The following CCDC85A variants were observed in gnomAD, a reference collection of about 807,000 sequenced individuals.
CCDC85A encodes coiled-coil domain containing 85A, also known as coiled-coil domain-containing protein 85A.
A neutral mutation model predicts 50.2 loss-of-function variants in CCDC85A; 38 were observed. The ratio of observed to expected loss-of-function variants is 0.76; its 90% CI spans 0.58 to 0.99. The LOEUF (loss-of-function observed/expected upper bound fraction) is 0.99, where lower values mean the gene tolerates loss of function less well. CCDC85A is among the 50% of genes least tolerant of loss of function. The pLI is 0.00. For missense variants in CCDC85A, 820 were observed against 742.0 expected, an observed-to-expected ratio of 1.11 and a Z score of -1.22; for synonymous variants, 366 against 301.4, an observed-to-expected ratio of 1.21 and a Z score of -2.22.
intron 2 of CCDC85A, among the ~76,000 whole-genome samples, chr2:56,322,088 A>G (rs1390417166): frequency 1.3e-5 from 2 of 152,232 alleles, no homozygotes; most frequent in Non-Finnish European, 2.9e-5. Context: ...CTGGCTAGCC[A>G]TACGTAGAAA....
chr2:56,351,678 T>C (rs553616062), intron 3 of CCDC85A, among the ~76,000 whole-genome samples: 17 of 147,660 alleles, frequency 1.2e-4, no homozygotes, highest in East Asian at 9.9e-4. Flanking sequence ...TCATGTCCTT[T>C]GCCCACTTTT....
intron 2 of CCDC85A, among the ~76,000 whole-genome samples, chr2:56,215,439 G>T (rs1403577249): frequency 6.6e-6 from 1 of 151,816 alleles, no homozygotes; most frequent in East Asian, 1.9e-4. Flanking sequence ...GAAAAGGAAT[G>T]GTGGGAGAGG....
chr2:56,329,722 T>A (rs544683906), intron 2 of CCDC85A, among the ~76,000 whole-genome samples: 41 of 152,240 alleles, frequency 2.7e-4, no homozygotes, highest in African/African-American at 9.6e-4. Flanking sequence ...TCAATGAATT[T>A]ATTTATGAAT....
At chr2:56,249,368 A>G (rs1001622770) in intron 2 of CCDC85A, among the ~76,000 whole-genome samples, 1 of 152,228 alleles carries the variant, frequency 6.6e-6, no homozygotes, top group African/African-American at 2.4e-5. Flanking sequence ...CTTATTGGCC[A>G]TGCCCAGTGA....
chr2:56,377,390 A>G (rs1676384473), intron 5 of CCDC85A, among the ~76,000 whole-genome samples: 1 of 152,206 alleles, frequency 6.6e-6, no homozygotes. Flanking sequence ...TCAATCTTGT[A>G]GTATTATAGC....
chr2:56,210,395 C>G (rs889509440), intron 2 of CCDC85A, among the ~76,000 whole-genome samples: 1 of 152,084 alleles, frequency 6.6e-6, no homozygotes, highest in Admixed American at 6.6e-5. Flanking sequence ...GTGGCTGCCT[C>G]TTTAGTGGAG....
At chr2:56,281,565 C>T (rs578029287) in intron 2 of CCDC85A, among the ~76,000 whole-genome samples, 2 of 152,264 alleles carry the variant, frequency 1.3e-5, no homozygotes, top group African/African-American at 2.4e-5. Flanking sequence ...TCCAGTTGTT[C>T]CACATCCCTC....
In CCDC85A at chr2:56,189,295, G is replaced by GTATTTTTTTT. The variant is rs773078371; in HGVS notation, c.277-3181_277-3180insATTTTTTTTT. On this transcript the variant is annotated intron_variant, in intron 1 of 5. Coordinates refer to ENST00000407595, the MANE Select transcript of CCDC85A (RefSeq NM_001080433.2). ...GCAAAACATGCACGGGGTATTTTTGGTGTTTTTTTTTTTTTTTGAGACAAG... is the reference window on the plus strand; with the variant it reads ...GCAAAACATGCACGGGGTATTTTTGGTATTTTTTTTTGTTTTTTTTTTTTTTTGAGACAAG... Among the ~76,000 whole-genome samples, 49 of 100,446 alleles carry GTATTTTTTTT rather than the reference G, an allele frequency of 4.9e-4. 2 individuals carry two copies. The highest frequency in any genetic ancestry group is 5.8e-4 in the African/African-American group (13 of 22,396). 65.9% of individuals were successfully genotyped at this position (100,446 alleles called of 152,430 possible).
intron 1 of CCDC85A, among the ~76,000 whole-genome samples, chr2:56,191,298 A>T (rs1221757834): frequency 1.3e-5 from 2 of 152,142 alleles, no homozygotes; most frequent in Non-Finnish European, 2.9e-5. Flanking sequence ...TTCCCACCAC[A>T]ATAAAAGCTG....
chr2:56,204,277 C>T (rs1676870078), intron 2 of CCDC85A, among the ~76,000 whole-genome samples: 3 of 152,152 alleles, frequency 2.0e-5, no homozygotes, highest in Admixed American at 2.0e-4. Context: ...ATACCGATAA[C>T]ATTGTATTCT....
chr2:56,324,579 C>A (rs1673371902), intron 2 of CCDC85A, among the ~76,000 whole-genome samples: 1 of 152,010 alleles, frequency 6.6e-6, no homozygotes. Flanking sequence ...GAATGTCTCA[C>A]TCAAACCATG....
At chr2:56,334,397 G>A (rs1673972618) in intron 2 of CCDC85A, among the ~76,000 whole-genome samples, 1 of 152,166 alleles carries the variant, frequency 6.6e-6, no homozygotes, top group South Asian at 2.1e-4. Context: ...CAGTGTTTGA[G>A]GGTTAGTGAA....
intron 2 of CCDC85A, among the ~76,000 whole-genome samples, chr2:56,253,391 TC>T (rs1332092271): frequency 2.6e-5 from 4 of 152,090 alleles, no homozygotes; most frequent in Admixed American, 2.6e-4. Context: ...GCAAGAGATC[TC>T]ATGGGAGGGA....
At chr2:56,196,038 G>A (rs1676507347) in intron 2 of CCDC85A, among the ~76,000 whole-genome samples, 2 of 152,050 alleles carry the variant, frequency 1.3e-5, no homozygotes, top group Admixed American at 6.5e-5. Flanking sequence ...AAATCTTCTT[G>A]TGCTTATAAT....
intron 2 of CCDC85A, among the ~76,000 whole-genome samples, chr2:56,266,260 G>A (rs1463099108): frequency 1.3e-5 from 2 of 152,142 alleles, no homozygotes; most frequent in African/African-American, 4.8e-5. Context: ...TAATAATAAT[G>A]TATTGTGTAT....
intron 2 of CCDC85A, among the ~76,000 whole-genome samples, chr2:56,293,578 A>T (rs960577881): frequency 6.6e-6 from 1 of 152,224 alleles, no homozygotes; most frequent in Non-Finnish European, 1.5e-5. Flanking sequence ...ACAAAGGTCT[A>T]ATATTCAGAT....
intron 3 of CCDC85A, among the ~76,000 whole-genome samples, chr2:56,347,460 G>T (rs1177133032): frequency 1.3e-5 from 2 of 152,124 alleles, no homozygotes; most frequent in Non-Finnish European, 2.9e-5. Flanking sequence ...CATTGGATCT[G>T]CTTAGCCATC....
chr2:56,304,817 G>C (rs1272140861), intron 2 of CCDC85A, among the ~76,000 whole-genome samples: 1 of 151,958 alleles, frequency 6.6e-6, no homozygotes, highest in Admixed American at 6.6e-5. Flanking sequence ...GGGGGGCCAG[G>C]GCGGGCGGAT....
intron 3 of CCDC85A, 29 bp from the exon 4 acceptor site, chr2:56,372,315 T>G: frequency 6.7e-7 from 1 of 1,495,090 alleles, no homozygotes; most frequent in Non-Finnish European, 9.0e-7. Flanking sequence ...TTTTTCTGAG[T>G]GATTGTACCA....
Sources: allele counts gnomAD v4.1 joint callset (sites outside exome capture counted in the v4.1 genomes callset), GRCh38; gene constraint gnomAD v4.1.1; transcripts MANE v1.5; gene names NCBI Gene and HGNC (gene_info 2026-07-23, HGNC 2026-07-21).